The following CENPP variants were observed in gnomAD, a reference collection of about 807,000 sequenced individuals.
CENPP encodes the protein centromere protein P.
Under a neutral mutation model 35.6 loss-of-function variants are expected in CENPP, and 24 were observed. The ratio of observed to expected loss-of-function variants is 0.67; its 90% CI spans 0.49 to 0.95. The LOEUF is 0.95. CENPP is among the 40% of genes least tolerant of loss of function. CENPP has a pLI of 0.00. For missense variants in CENPP, 332 were observed against 345.3 expected, an observed-to-expected ratio of 0.96 and a Z score of 0.31; for synonymous variants, 120 against 125.5, an observed-to-expected ratio of 0.96 and a Z score of 0.29.
At chr9:92,534,613 A>G (rs1849054335) in intron 5 of CENPP, among the ~76,000 whole-genome samples, 1 of 152,236 alleles carries the variant, frequency 6.6e-6, no homozygotes, top group Non-Finnish European at 1.5e-5. Flanking sequence ...ATTAACATGC[A>G]GCATGTAAAG....
intron 3 of CENPP, among the ~76,000 whole-genome samples, chr9:92,344,455 G>GTTACAGTTCAATACTTTT (rs1173410217): frequency 2.0e-5 from 3 of 152,000 alleles, no homozygotes; most frequent in Non-Finnish European, 4.4e-5. Flanking sequence ...TAACTTACCA[G>GTTACAGTTCAATACTTTT]TTTAAAGTGT....
intron 5 of CENPP, among the ~76,000 whole-genome samples, chr9:92,568,794 G>A (rs1179996050): frequency 6.6e-6 from 1 of 152,260 alleles, no homozygotes; most frequent in South Asian, 2.1e-4. Flanking sequence ...GTGTGAGATG[G>A]TATCTCACTG....
intron 5 of CENPP, among the ~76,000 whole-genome samples, chr9:92,503,393 C>T (rs1484835508): frequency 2.6e-5 from 4 of 152,102 alleles, no homozygotes; most frequent in Non-Finnish European, 4.4e-5. Flanking sequence ...TTGTCCTAGC[C>T]GAGCCTCCAG....
At chr9:92,342,835 G>T (rs1010739026) in intron 3 of CENPP, among the ~76,000 whole-genome samples, 3 of 152,188 alleles carry the variant, frequency 2.0e-5, no homozygotes, top group African/African-American at 7.2e-5. Flanking sequence ...ACTTGTGTAT[G>T]TATGCCTTTA....
intron 5 of CENPP, among the ~76,000 whole-genome samples, chr9:92,516,216 C>A (rs1270262211): frequency 6.6e-6 from 1 of 151,898 alleles, no homozygotes; most frequent in Non-Finnish European, 1.5e-5. Context: ...GGCACCCCAC[C>A]ACCATGCCAG....
At chr9:92,504,850 T>G (rs1472288060) in intron 5 of CENPP, among the ~76,000 whole-genome samples, 1 of 152,196 alleles carries the variant, frequency 6.6e-6, no homozygotes, top group African/African-American at 2.4e-5. Context: ...CTCAGTGTTT[T>G]TAACGCAGGA....
At chr9:92,596,463 A>G (rs1258678466) in intron 5 of CENPP, among the ~76,000 whole-genome samples, 1 of 151,198 alleles carries the variant, frequency 6.6e-6, no homozygotes, top group Non-Finnish European at 1.5e-5. Flanking sequence ...AAAAAAAAAA[A>G]AAAAAAAGAA....
intron 1 of CENPP, among the ~76,000 whole-genome samples, chr9:92,329,661 C>T (rs960994822): frequency 6.6e-6 from 1 of 152,136 alleles, no homozygotes; most frequent in African/African-American, 2.4e-5. Flanking sequence ...GCCTCAGCGA[C>T]CCTCCACCAG....
intron 5 of CENPP, among the ~76,000 whole-genome samples, chr9:92,428,504 A>G (rs1844024735): frequency 6.6e-6 from 1 of 152,146 alleles, no homozygotes; most frequent in Admixed American, 6.5e-5. Flanking sequence ...CTGACTTTCA[A>G]ATTGAATCTA....
At chr9:92,434,088 A>G (rs1318177602) in intron 5 of CENPP, among the ~76,000 whole-genome samples, 2 of 152,096 alleles carry the variant, frequency 1.3e-5, no homozygotes, top group Non-Finnish European at 1.5e-5. Flanking sequence ...TTATTTCTAT[A>G]TACTAGAATG....
chr9:92,512,900 G>A (rs1422500487), intron 5 of CENPP, among the ~76,000 whole-genome samples: 1 of 152,122 alleles, frequency 6.6e-6, no homozygotes, highest in Non-Finnish European at 1.5e-5. Context: ...TGGTGTATAG[G>A]CCACAGGAGG....
chr9:92,385,835 C>G (rs1290346137), intron 5 of CENPP: 1 of 1,593,360 alleles, frequency 6.3e-7, no homozygotes, highest in South Asian at 1.1e-5. Flanking sequence ...CTGAAATCAA[C>G]CTTTCATATG....
chr9:92,612,962 A>G (rs1851311579), intron 7 of CENPP, 57 bp from the exon 8 acceptor site: 2 of 1,608,858 alleles, frequency 1.2e-6, no homozygotes, highest in African/African-American at 1.3e-5. Context: ...GCAGAAAACA[A>G]AAGACCAAAA....
At chr9:92,354,481 A>G (rs1841541033) in intron 4 of CENPP, among the ~76,000 whole-genome samples, 1 of 152,170 alleles carries the variant, frequency 6.6e-6, no homozygotes, top group Admixed American at 6.5e-5. Context: ...GGCTGGGGAA[A>G]GAGGCTGAGT....
At chr9:92,481,625 G>T (rs1346453072) in intron 5 of CENPP, among the ~76,000 whole-genome samples, 2 of 152,142 alleles carry the variant, frequency 1.3e-5, no homozygotes, top group Non-Finnish European at 2.9e-5. Flanking sequence ...ATCTTTGAAA[G>T]TGTTAAATTC....
At chr9:92,573,990 C>A (rs1017395103) in intron 5 of CENPP, among the ~76,000 whole-genome samples, 13 of 152,120 alleles carry the variant, frequency 8.5e-5, no homozygotes, top group Non-Finnish European at 1.3e-4. Flanking sequence ...TTCCAGGTAC[C>A]ATCTGTCACA....
Position 92,618,510 on chromosome 9 carries a change from C to T in CENPP, c.*5361C>T. On this transcript the variant is annotated 3_prime_UTR_variant, in exon 8 of 8. Transcript: ENST00000375587. The stretch of plus-strand genomic sequence containing the variant: ...CCTGCATCCAAGCACATTTCCATTG[C>T]CCAGCTGCATCCTTGGTCGGGGGGC... 1 of 456,724 alleles carries T rather than the reference C, an allele frequency of 2.2e-6. No individual in the cohort carries two copies. The highest frequency in any genetic ancestry group is 4.4e-6 in the Non-Finnish European group (1 of 226,960). The allele number at this position is 456,724 out of a possible 1,614,324, so 28.3% of individuals were successfully genotyped here.
chr9:92,366,278 T>C (rs1044976788), intron 4 of CENPP, among the ~76,000 whole-genome samples: 1 of 151,914 alleles, frequency 6.6e-6, no homozygotes, highest in African/African-American at 2.4e-5. Flanking sequence ...TGAGAAATGA[T>C]GGAATTTACT....
intron 5 of CENPP, among the ~76,000 whole-genome samples, chr9:92,594,021 C>T (rs1457659477): frequency 6.6e-6 from 1 of 152,150 alleles, no homozygotes; most frequent in Non-Finnish European, 1.5e-5. Context: ...AGTGATGCAG[C>T]AATCTTGGTT....
Sources: gnomAD v4.1 joint callset for allele counts (sites outside exome capture counted in the v4.1 genomes callset) on GRCh38, gnomAD v4.1.1 for gene constraint, MANE v1.5 for transcripts, NCBI Gene and HGNC (gene_info 2026-07-23, HGNC 2026-07-21) for gene names.